CCDC191: variants seen among roughly 807,000 people sequenced by gnomAD.
The protein encoded by CCDC191 is coiled-coil domain containing 191.
Under a neutral mutation model 114.0 loss-of-function variants are expected in CCDC191, and 99 were observed. The observed-to-expected ratio is 0.87, with a 90% CI of 0.74 to 1.03. The LOEUF (loss-of-function observed/expected upper bound fraction) is 1.03. Ranked by LOEUF, CCDC191 falls within the 50% of genes least tolerant of loss-of-function variation. CCDC191 has a pLI of 0.00. For synonymous variants in CCDC191, 351 were observed against 376.0 expected (o/e 0.93, Z 0.77); for missense variants, 973 against 1,087.0 (o/e 0.90, Z 1.47).
chr3:114,015,076 T>G (rs1280538139), intron 8 of CCDC191, among the ~76,000 whole-genome samples: 1 of 152,146 alleles, frequency 6.6e-6, no homozygotes, highest in Non-Finnish European at 1.5e-5. Flanking sequence ...GGCCAGTTTT[T>G]TTCACTGGCC....
chr3:113,967,897 T>C (rs1192291067), intron 16 of CCDC191, among the ~76,000 whole-genome samples: 7 of 152,238 alleles, frequency 4.6e-5, no homozygotes, highest in Admixed American at 6.5e-5. Context: ...TATTTGTCTT[T>C]CTGTGCTTGA....
intron 4 of CCDC191, among the ~76,000 whole-genome samples, chr3:114,042,060 C>G (rs1316823085): frequency 6.6e-6 from 1 of 151,906 alleles, no homozygotes; most frequent in Non-Finnish European, 1.5e-5. Flanking sequence ...AAATAAGAAG[C>G]ATTTTATAAA....
At chr3:113,994,423 CT>C (rs1464191080) in intron 13 of CCDC191, among the ~76,000 whole-genome samples, 23 of 152,222 alleles carry the variant, frequency 1.5e-4, no homozygotes, top group African/African-American at 5.5e-4. Context: ...ACAAAAAGAC[CT>C]TTCATTTATC....
intron 16 of CCDC191, among the ~76,000 whole-genome samples, chr3:113,977,712 A>G (rs755937040): frequency 6.6e-6 from 1 of 152,208 alleles, no homozygotes; most frequent in African/African-American, 2.4e-5. Flanking sequence ...TGCGACAGCA[A>G]TGTTCAACGT....
chr3:113,999,502 T>C (rs944754163), intron 13 of CCDC191, among the ~76,000 whole-genome samples: 1 of 152,178 alleles, frequency 6.6e-6, no homozygotes, highest in African/African-American at 2.4e-5. Context: ...AGTATTAACA[T>C]TGTCCTGTAA....
At chr3:114,004,819 T>G in intron 10 of CCDC191, 73 bp from the exon 11 acceptor site, 1 of 1,509,950 alleles carries the variant, frequency 6.6e-7, no homozygotes, top group South Asian at 1.3e-5. Context: ...CCTGAGATGC[T>G]CAAAGCCTTT....
At chr3:114,054,493 C>A (rs939012837) in intron 1 of CCDC191, among the ~76,000 whole-genome samples, 1 of 152,068 alleles carries the variant, frequency 6.6e-6, no homozygotes, top group Admixed American at 6.6e-5. Context: ...AAAAATTAAC[C>A]AGGCGTGGTG....
In CCDC191 at chr3:114,001,558, T is replaced by G. The variant is rs770826784; in HGVS notation, c.2163+37A>C. 4.3e-6 allele frequency: 7 copies of G among 1,611,034 alleles called. No individual in the cohort carries two copies. In the African/African-American group the frequency reaches 9.4e-5, roughly 22 times the overall value. ...GCCACAGTATCACACACAGCAAACC[T>G]CAAGATACAGGGACTGACCAAATAG... On this transcript the variant is annotated intron_variant, in intron 13 of 16. Transcript: ENST00000295878.
chr3:114,006,619 A>ATATATATATATATATATAAAT (rs1559903359), intron 9 of CCDC191, among the ~76,000 whole-genome samples: 16 of 92,490 alleles, frequency 1.7e-4, no homozygotes, highest in African/African-American at 6.3e-4. Flanking sequence ...TATATATATA[A>ATATATATATATATATATAAAT]ATATATATAT....
chr3:113,986,416 C>T (rs1017161526), intron 13 of CCDC191, among the ~76,000 whole-genome samples: 7 of 152,060 alleles, frequency 4.6e-5, no homozygotes, highest in South Asian at 2.1e-4. Context: ...GAAGAAATAA[C>T]GGGCAAACAT....
chr3:113,994,696 A>G (rs2075672204), intron 13 of CCDC191, among the ~76,000 whole-genome samples: 1 of 149,664 alleles, frequency 6.7e-6, no homozygotes, highest in Admixed American at 6.8e-5. Flanking sequence ...CGATCCTCCC[A>G]CCTCAGCCTC....
At chr3:114,006,808 T>C (rs2075979583) in intron 9 of CCDC191, among the ~76,000 whole-genome samples, 1 of 151,812 alleles carries the variant, frequency 6.6e-6, no homozygotes, top group South Asian at 2.1e-4. Flanking sequence ...CACTAGTAAA[T>C]TAATCATATG....
rs760673436 is a variant in CCDC191 at position 113,965,143 on chromosome 3, C to T, written c.*12G>A. ...GTCGAGCTTCCTGTCCTAAATATTA[C>T]ACTAATCTGGCTCATTCGTTCACCA... On this transcript the variant is annotated 3_prime_UTR_variant, in exon 17 of 17. Coordinates refer to ENST00000295878, the MANE Select transcript of CCDC191 (RefSeq NM_020817.2). 7 of 1,563,746 alleles carry T rather than the reference C, an allele frequency of 4.5e-6. No homozygotes were observed. The East Asian group carries it at 9.1e-5, about 20-fold the overall frequency.
At chr3:113,966,216 TGAA>T (rs745932461) in intron 16 of CCDC191, among the ~76,000 whole-genome samples, 17 of 152,150 alleles carry the variant, frequency 1.1e-4, no homozygotes, top group Non-Finnish European at 2.9e-5. Flanking sequence ...GAACCAGTCT[TGAA>T]TATCAGTTGA....
At chr3:114,056,315 C>T in intron 1 of CCDC191, 62 bp downstream of exon 1, 7 of 1,538,120 alleles carry the variant, frequency 4.6e-6, no homozygotes, top group Non-Finnish European at 6.3e-6. Context: ...CCGCGACTGG[C>T]TTCCTGACTG....
At chr3:114,006,503 C>A (rs1338406361) in intron 9 of CCDC191, among the ~76,000 whole-genome samples, 1 of 149,000 alleles carries the variant, frequency 6.7e-6, no homozygotes, top group African/African-American at 2.5e-5. Flanking sequence ...TTGCCATGGG[C>A]CAGGACATTC....
intron 7 of CCDC191, among the ~76,000 whole-genome samples, chr3:114,027,846 G>C (rs1480897667): frequency 6.6e-6 from 1 of 152,104 alleles, no homozygotes; most frequent in Non-Finnish European, 1.5e-5. Flanking sequence ...TTTTCATCCT[G>C]TGGTCATACC....
rs189044797 is a variant in CCDC191 at position 113,973,491 on chromosome 3, C to T, written c.2606+4695G>A. ...CTTTAACATTTCTTGTAAGATGGGT[C>T]TGGTGGTGGTGAATTCTCTCAGCAT... On this transcript the variant is annotated intron_variant, in intron 16 of 16. Coordinates refer to ENST00000295878, the MANE Select transcript of CCDC191 (RefSeq NM_020817.2). 2.5e-3 allele frequency among the ~76,000 whole-genome samples: 380 copies of T among 151,940 alleles called. 2 individuals carry two copies. The highest frequency in any genetic ancestry group is 7.9e-3 in the African/African-American group (326 of 41,412).
intron 7 of CCDC191, among the ~76,000 whole-genome samples, chr3:114,021,912 T>C (rs1202556620): frequency 1.3e-5 from 2 of 152,182 alleles, no homozygotes; most frequent in East Asian, 3.8e-4. Flanking sequence ...TACCATGTTT[T>C]TATTTCTGTT....
Sources: gnomAD v4.1 joint callset for allele counts (sites outside exome capture counted in the v4.1 genomes callset) on GRCh38, gnomAD v4.1.1 for gene constraint, MANE v1.5 for transcripts, NCBI Gene and HGNC (gene_info 2026-07-23, HGNC 2026-07-21) for gene names.